The following DOCK1 variants were observed in gnomAD, a reference collection of about 807,000 sequenced individuals.
DOCK1 encodes dedicator of cytokinesis 1.
Under a neutral mutation model 262.7 loss-of-function variants are expected in DOCK1, and 138 were observed. That is an observed-to-expected ratio of 0.53 (90% CI 0.46 to 0.61). The LOEUF (loss-of-function observed/expected upper bound fraction) is 0.61. DOCK1 is among the 20% of genes least tolerant of loss of function. The probability of loss-of-function intolerance (pLI) is 0.00; values close to 1 mark genes in which losing one functional copy is unlikely to be tolerated. For synonymous variants in DOCK1, 866 were observed against 867.4 expected, an observed-to-expected ratio of 1.00 and a Z score of 0.03; for missense variants, 1,908 against 2,370.7, an observed-to-expected ratio of 0.80 and a Z score of 4.05.
intron 27 of DOCK1, among the ~76,000 whole-genome samples, chr10:127,147,625 G>C (rs1391804455): frequency 6.6e-6 from 1 of 152,038 alleles, no homozygotes; most frequent in Non-Finnish European, 1.5e-5. Context: ...CCCAGGGCCT[G>C]GTGCAGAACT....
At chr10:127,092,184 C>CGTA (rs2047576370) in intron 23 of DOCK1, among the ~76,000 whole-genome samples, 4 of 152,282 alleles carry the variant, frequency 2.6e-5, no homozygotes, top group Admixed American at 2.6e-4. Flanking sequence ...CTGGCTGGAC[C>CGTA]GTAGACACAG....
At chr10:127,226,605 A>G (rs2058650883) in intron 27 of DOCK1, among the ~76,000 whole-genome samples, 2 of 152,040 alleles carry the variant, frequency 1.3e-5, no homozygotes, top group Admixed American at 6.6e-5. Context: ...TTAGCTGGGC[A>G]TGGTGGTGCG....
intron 18 of DOCK1, among the ~76,000 whole-genome samples, chr10:127,034,544 G>A (rs1436552308): frequency 6.6e-6 from 1 of 152,102 alleles, no homozygotes; most frequent in Non-Finnish European, 1.5e-5. Context: ...TTATGGAAAG[G>A]ATGCTCCCCT....
At chr10:126,966,649 C>T (rs2134620812) in intron 1 of DOCK1, among the ~76,000 whole-genome samples, 1 of 152,212 alleles carries the variant, frequency 6.6e-6, no homozygotes, top group Non-Finnish European at 1.5e-5. Context: ...TTTTTATAGA[C>T]AATCAGGAGA....
intron 23 of DOCK1, among the ~76,000 whole-genome samples, chr10:127,083,595 A>T (rs2047033221): frequency 6.6e-6 from 1 of 152,222 alleles, no homozygotes; most frequent in African/African-American, 2.4e-5. Flanking sequence ...TTTATAATGG[A>T]TGTGATTATA....
Position 127,358,349 on chromosome 10 carries a change from A to AGTTTT in DOCK1, c.3283+3622_3283+3623insGTTTT, listed in dbSNP as rs1383302417. Among the ~76,000 whole-genome samples the AGTTTT allele has an allele frequency of 3.3e-5, 5 of 151,992 alleles. No individual in the cohort carries two copies. The East Asian group carries it at 7.8e-4, about 24-fold the overall frequency. On this transcript the variant is annotated intron_variant, in intron 32 of 51. Transcript: ENST00000623213. ...AGTGATGTGTTTCTTTCCCTCCCAA[A>AGTTTT]CCTGTCATATTTTGAGTCTGAAAGG...
chr10:127,268,240 G>A (rs1229751946), intron 29 of DOCK1, among the ~76,000 whole-genome samples: 1 of 152,076 alleles, frequency 6.6e-6, no homozygotes, highest in Non-Finnish European at 1.5e-5. Context: ...ATAGAAATAT[G>A]TGTGCAGTGG....
chr10:127,323,190 A>G (rs2062611988), intron 29 of DOCK1, among the ~76,000 whole-genome samples: 1 of 152,090 alleles, frequency 6.6e-6, no homozygotes, highest in African/African-American at 2.4e-5. Context: ...GTGGGTGAGG[A>G]CTTCCACATA....
rs533696826 is a variant in DOCK1 at position 127,420,087 on chromosome 10, C to G, written c.4776+338C>G. On this transcript the variant is annotated intron_variant, in intron 46 of 51. Coordinates refer to ENST00000623213, the MANE Select transcript of DOCK1 (RefSeq NM_001290223.2). ...AGAGCCATGAAGCCTTGAGCTCTAG[C>G]CTGTGCCAGGAAAGGCGCTCGGGCC... Among the ~76,000 whole-genome samples, 4 of 152,314 alleles carry G rather than the reference C, an allele frequency of 2.6e-5. No individual in the cohort carries two copies. The Middle Eastern group carries it at 0.01, about 389-fold the overall frequency.
At chr10:127,160,298 C>T (rs2053485452) in intron 27 of DOCK1, among the ~76,000 whole-genome samples, 1 of 152,168 alleles carries the variant, frequency 6.6e-6, no homozygotes, top group African/African-American at 2.4e-5. Context: ...TGTAAATGTG[C>T]TGTTTTTACT....
intron 29 of DOCK1, among the ~76,000 whole-genome samples, chr10:127,280,009 CATATATATAT>C (rs10525314): frequency 8.7e-6 from 1 of 114,338 alleles, no homozygotes; most frequent in African/African-American, 3.5e-5. Context: ...AATTTTATTT[CATATATATAT>C]ATATATATAT....
chr10:126,941,807 G>T (rs1454657749), intron 1 of DOCK1, among the ~76,000 whole-genome samples: 20 of 152,080 alleles, frequency 1.3e-4, no homozygotes, highest in Non-Finnish European at 2.9e-4. Context: ...TTTGTGGATT[G>T]TACCTGTCTG....
At chr10:127,088,450 C>A (rs2047327038) in intron 23 of DOCK1, among the ~76,000 whole-genome samples, 1 of 152,140 alleles carries the variant, frequency 6.6e-6, no homozygotes. Context: ...GATACCTCAA[C>A]TGTGTTTGTT....
chr10:126,927,680 G>A (rs2033857875), intron 1 of DOCK1, among the ~76,000 whole-genome samples: 5 of 152,062 alleles, frequency 3.3e-5, no homozygotes, highest in Non-Finnish European at 4.4e-5. Flanking sequence ...CAGGTGATCC[G>A]CCCACCTCGG....
At chr10:126,958,968 G>A (rs969538598) in intron 1 of DOCK1, among the ~76,000 whole-genome samples, 2 of 152,152 alleles carry the variant, frequency 1.3e-5, no homozygotes, top group African/African-American at 2.4e-5. Flanking sequence ...TTTTAGAGAC[G>A]CATGAGACAT....
At chr10:127,324,920 G>C (rs1424187464) in intron 29 of DOCK1, among the ~76,000 whole-genome samples, 2 of 152,084 alleles carry the variant, frequency 1.3e-5, no homozygotes, top group Non-Finnish European at 2.9e-5. Flanking sequence ...TCATCTTAGG[G>C]AACCAGCATC....
intron 27 of DOCK1, among the ~76,000 whole-genome samples, chr10:127,158,847 C>T (rs1170554282): frequency 6.6e-6 from 1 of 152,146 alleles, no homozygotes; most frequent in African/African-American, 2.4e-5. Flanking sequence ...TGGAAAACAT[C>T]GCATTCAGCA....
At chr10:127,356,648 A>G (rs1565020293) in intron 32 of DOCK1, among the ~76,000 whole-genome samples, 1 of 152,056 alleles carries the variant, frequency 6.6e-6, no homozygotes, top group Non-Finnish European at 1.5e-5. Flanking sequence ...GGGCTTTCAC[A>G]GCAATGGCAT....
intron 1 of DOCK1, among the ~76,000 whole-genome samples, chr10:126,958,757 C>A (rs1439919734): frequency 6.6e-6 from 1 of 152,134 alleles, no homozygotes; most frequent in African/African-American, 2.4e-5. Context: ...CTGCTTAGTT[C>A]TTGCTGTTTC....
Sources: allele counts gnomAD v4.1 joint callset (sites outside exome capture counted in the v4.1 genomes callset), GRCh38; gene constraint gnomAD v4.1.1; transcripts MANE v1.5; gene names NCBI Gene and HGNC (gene_info 2026-07-23, HGNC 2026-07-21).